The following VWF variants were observed in gnomAD, a reference collection of about 807,000 sequenced individuals.
VWF encodes Factor VIII related antigen.
VWF carries 176 observed loss-of-function variants against 308.6 expected under a neutral mutation model. The ratio of observed to expected loss-of-function variants is 0.57; its 90% CI spans 0.50 to 0.65. The LOEUF (loss-of-function observed/expected upper bound fraction) is 0.65. Among genes scored for constraint, VWF ranks in the 30% least tolerant of loss-of-function variants. The pLI is 0.00. For synonymous variants in VWF, 1,385 were observed against 1,443.4 expected, an observed-to-expected ratio of 0.96 and a Z score of 0.92; for missense variants, 3,146 against 3,648.2, an observed-to-expected ratio of 0.86 and a Z score of 3.55.
chr12:6,123,108 C>T (rs1945448781), intron 2 of VWF, 34 bp downstream of exon 2: 7 of 1,613,886 alleles, frequency 4.3e-6, no homozygotes, highest in Non-Finnish European at 5.9e-6. Context: ...GGCCCTGGGG[C>T]AGGAATGAGA....
intron 47 of VWF, among the ~76,000 whole-genome samples, chr12:5,960,098 A>C (rs935245816): frequency 6.7e-6 from 1 of 148,670 alleles, no homozygotes; most frequent in African/African-American, 2.4e-5. Flanking sequence ...TAATAGACAA[A>C]TTAGTCAAAA....
intron 5 of VWF, among the ~76,000 whole-genome samples, chr12:6,108,876 A>G (rs1045479718): frequency 4.6e-5 from 7 of 151,630 alleles, no homozygotes; most frequent in East Asian, 2.0e-4. Flanking sequence ...AGCTACTCGG[A>G]AGGCTGAGGC....
chr12:6,092,617 G>GTGAGAGAGAGAGAGAA (rs1342377132), intron 6 of VWF, among the ~76,000 whole-genome samples: 1 of 112,642 alleles, frequency 8.9e-6, no homozygotes, highest in Non-Finnish European at 1.9e-5. Context: ...GAGTGAGTGA[G>GTGAGAGAGAGAGAGAA]AGTGTGTGTG....
At position 6,016,168 on chromosome 12, in the gene VWF, G is replaced by C. The variant is rs1944054389; in HGVS notation, c.5376C>G (p.Ala1792=). 1 of 1,614,200 alleles carries C rather than the reference G, an allele frequency of 6.2e-7. No individual in the cohort carries two copies. The highest frequency in any genetic ancestry group is 8.5e-7 in the Non-Finnish European group (1 of 1,180,042). The change falls in exon 31 of 52, where the codon GCC becomes GCG. Residue 1792 remains alanine (A), a synonymous_variant. Coordinates refer to ENST00000261405, the MANE Select transcript of VWF (RefSeq NM_000552.5). Reference sequence around the variant, plus strand: ...TGACCAGGATGACCACCGCCTTTGAGGCTCCCGGCCTGGCACCATGCATTT... The same window carrying C: ...TGACCAGGATGACCACCGCCTTTGACGCTCCCGGCCTGGCACCATGCATTT... ...TSEMHGARPG[A]SKAVVILVTD...
chr12:5,986,331 G>A (rs1447731266), intron 38 of VWF, among the ~76,000 whole-genome samples: 1 of 152,200 alleles, frequency 6.6e-6, no homozygotes, highest in Non-Finnish European at 1.5e-5. Flanking sequence ...CTGTTGTAAG[G>A]AGTGAGAAAC....
rs12315477 is a variant in VWF at position 6,071,482 on chromosome 12, C to A, written c.1110-139G>T. 1.9e-3 allele frequency: 1,813 copies of A among 937,754 alleles called. 16 individuals carry two copies. In the African/African-American group the frequency reaches 0.022, roughly 11 times the overall value. The allele number at this position is 937,754 out of a possible 1,614,324, so 58.1% of individuals were successfully genotyped here. ...AGAAAAGAGCTGGTGCTAGCAGAAT[C>A]TTCATAGGGTTAAAATTGTACAGGA... On this transcript the variant is annotated intron_variant, in intron 9 of 51. Coordinates refer to ENST00000261405, the MANE Select transcript of VWF (RefSeq NM_000552.5).
chr12:6,000,769 G>A (rs1034927169), intron 34 of VWF, among the ~76,000 whole-genome samples: 1 of 133,946 alleles, frequency 7.5e-6, no homozygotes, highest in East Asian at 2.1e-4. Flanking sequence ...CCGAGATCGC[G>A]CCTCTGCACT....
chr12:6,012,700 T>C (rs1209466492), intron 32 of VWF, among the ~76,000 whole-genome samples: 2 of 143,194 alleles, frequency 1.4e-5, no homozygotes, highest in Non-Finnish European at 3.0e-5. Context: ...TGTGTGTGTG[T>C]GTATTTTTTT....
intron 38 of VWF, among the ~76,000 whole-genome samples, chr12:5,990,893 A>ATTG (rs1943733468): frequency 1.0e-5 from 1 of 100,456 alleles, no homozygotes; most frequent in East Asian, 8.9e-4. Flanking sequence ...AAAAAAAAAA[A>ATTG]AAAAAAAAAA....
In VWF at chr12:5,985,560, C is replaced by G. The variant is rs111786055; in HGVS notation, c.6901+3G>C. ...AAGGCACCAGGGAGGGGAGGACTCT[C>G]ACCTTTGGCCGTGGGGCAGGGCTGC... is the stretch of plus-strand genomic sequence containing the variant. On this transcript the variant is annotated splice_donor_region_variant and intron_variant, in intron 39 of 51. Coordinates refer to ENST00000261405, the MANE Select transcript of VWF (RefSeq NM_000552.5). 3 of 1,613,626 alleles carry G rather than the reference C, an allele frequency of 1.9e-6. No individual in the cohort carries two copies. The highest frequency in any genetic ancestry group is 2.5e-6 in the Non-Finnish European group (3 of 1,179,960).
At chr12:5,992,185 TGG>T (rs1943752988) in intron 37 of VWF, among the ~76,000 whole-genome samples, 167 bp from the exon 38 acceptor site, 1 of 152,260 alleles carries the variant, frequency 6.6e-6, no homozygotes, top group African/African-American at 2.4e-5. Flanking sequence ...AACTTTAGGC[TGG>T]GCATATGACC....
chr12:5,979,205 A>G (rs1943565611), intron 42 of VWF, among the ~76,000 whole-genome samples: 1 of 152,248 alleles, frequency 6.6e-6, no homozygotes, highest in African/African-American at 2.4e-5. Flanking sequence ...TACTTTGTCT[A>G]AAGTAATTTT....
Position 5,980,082 on chromosome 12 carries a change from AAAAGAAAG to A in VWF, c.7287+1696_7287+1703del, listed in dbSNP as rs200814593. On this transcript the variant is annotated intron_variant, in intron 42 of 51. Transcript: ENST00000261405. ...AACGAATGAAAAGAAAGAAAGAAAGAAAAGAAAGAAAGGAAGGAAGGAAGGAAGGAAGG... is the reference window on the plus strand; with the variant it reads ...AACGAATGAAAAGAAAGAAAGAAAGAAAAGGAAGGAAGGAAGGAAGGAAGG... Among the ~76,000 whole-genome samples the A allele has an allele frequency of 5.7e-4, 62 of 109,648 alleles. 1 individual carries two copies. Among genetic ancestry groups the A allele is most frequent in the African/African-American group, 2.4e-3 (61 of 25,480 alleles). 71.9% of individuals were successfully genotyped at this position (109,648 alleles called of 152,430 possible). A position where few individuals can be genotyped will look rare whatever the true frequency, so the allele number is the denominator to read the frequency against.
At chr12:5,964,217 A>AAAATAAATAAAT (rs772755141) in intron 47 of VWF, among the ~76,000 whole-genome samples, 119 of 115,304 alleles carry the variant, frequency 1.0e-3, no homozygotes, top group African/African-American at 4.1e-3. Context: ...ACTCTGTCTA[A>AAAATAAATAAAT]AAATACATAC....
In VWF at chr12:6,072,336, G is replaced by A. The variant is rs1428470932; in HGVS notation, c.1104C>T (p.Asn368=). ...PPGTSLSRDC[N]TCICRNSQWI... ...CGCTGCGCAGCCCCCATTACCAGGT[G>A]TTGCAGTCTCGAGAGAGGGAGGTGC... Residue 368 remains asparagine, a synonymous_variant, in exon 9 of 52, where the codon AAC becomes AAT. Coordinates refer to ENST00000261405, the MANE Select transcript of VWF (RefSeq NM_000552.5). 2 of 1,614,030 alleles carry A rather than the reference G, an allele frequency of 1.2e-6. No individual in the cohort carries two copies. Among genetic ancestry groups the A allele is most frequent in the Non-Finnish European group, 1.7e-6 (2 of 1,180,000 alleles).
At chr12:6,068,826 T>TGCGTGTG (rs1944749796) in intron 10 of VWF, among the ~76,000 whole-genome samples, 2 of 134,776 alleles carry the variant, frequency 1.5e-5, no homozygotes, top group African/African-American at 6.1e-5. Context: ...CCTTTTTTTT[T>TGCGTGTG]TTTTTTTGCG....
At chr12:5,967,688 C>A in intron 46 of VWF, 86 bp from the exon 47 acceptor site, 1 of 1,195,222 alleles carries the variant, frequency 8.4e-7, no homozygotes. Flanking sequence ...TCCTGCCCAC[C>A]CACCCATAGC....
chr12:5,967,497 G>A lies in VWF; in HGVS notation c.7876C>T (p.Pro2626Ser). Residue 2626 changes from proline (P) to serine (S), a missense_variant, in exon 47 of 52, where the codon CCC becomes TCC. Transcript: ENST00000261405. Reference protein sequence around the residue: ...KLECRKTTCNPCPLGYKEENN... With the variant: ...KLECRKTTCNSCPLGYKEENN... Reference sequence around the variant, plus strand: ...TGAGCCTCTCTTACCAGGGGGCAGGGGTTGCAGGTGGTCTTCCTGCACTCC... The same window carrying A: ...TGAGCCTCTCTTACCAGGGGGCAGGAGTTGCAGGTGGTCTTCCTGCACTCC... 6.2e-7 allele frequency: 1 copy of A among 1,614,076 alleles called. No individual in the cohort carries two copies. Among genetic ancestry groups the A allele is most frequent in the African/African-American group, 1.3e-5 (1 of 75,012 alleles).
chr12:6,120,992 G>A (rs1399165108), intron 3 of VWF, among the ~76,000 whole-genome samples, 182 bp downstream of exon 3: 1 of 152,176 alleles, frequency 6.6e-6, no homozygotes, highest in African/African-American at 2.4e-5. Context: ...CGGCTCCCGT[G>A]GGGAGAGACC....
Sources: allele counts gnomAD v4.1 joint callset (sites outside exome capture counted in the v4.1 genomes callset), GRCh38; gene constraint gnomAD v4.1.1; transcripts MANE v1.5; gene names NCBI Gene and HGNC (gene_info 2026-07-23, HGNC 2026-07-21).